Variants in HS6ST3 observed in about 807,000 individuals in gnomAD.
The protein encoded by HS6ST3 is heparan-sulfate 6-O-sulfotransferase 3.
Under a neutral mutation model 36.7 loss-of-function variants are expected in HS6ST3, and 12 were observed. The ratio of observed to expected loss-of-function variants is 0.33; its 90% confidence interval spans 0.21 to 0.53. HS6ST3 has a LOEUF of 0.53. Among genes scored for constraint, HS6ST3 ranks in the 20% least tolerant of loss-of-function variants. The probability of loss-of-function intolerance (pLI) is 0.95; values close to 1 mark genes in which losing one functional copy is unlikely to be tolerated. For synonymous variants in HS6ST3, 240 were observed against 257.5 expected (o/e 0.93, Z 0.65); for missense variants, 584 against 640.9 (o/e 0.91, Z 0.96).
In HS6ST3 at chr13:96,225,687, C is replaced by G. The variant is rs550981679; in HGVS notation, c.707+134118C>G. On this transcript the variant is annotated intron_variant, in intron 1 of 1. Coordinates refer to ENST00000376705, the MANE Select transcript of HS6ST3 (RefSeq NM_153456.4). The stretch of plus-strand genomic sequence containing the variant: ...TAAATGATACATTTACAAATGGATT[C>G]TGGGTTTTTTATTCTGTGTTATTTA... Among the ~76,000 whole-genome samples, 4 of 152,152 alleles carry G rather than the reference C, an allele frequency of 2.6e-5. No homozygotes were observed. In the South Asian group the frequency reaches 8.3e-4, roughly 32 times the overall value.
At chr13:96,464,163 C>CAAAAAAAAAAAAAAAAAAAAAAAAAAAA (rs1322172089) in intron 1 of HS6ST3, among the ~76,000 whole-genome samples, 22 of 64,782 alleles carry the variant, frequency 3.4e-4, no homozygotes, top group Non-Finnish European at 6.1e-4. Context: ...AAAAAAAAAT[C>CAAAAAAAAAAAAAAAAAAAAAAAAAAAA]AAAGATCTGA....
intron 1 of HS6ST3, among the ~76,000 whole-genome samples, chr13:96,395,727 T>C (rs981963179): frequency 2.0e-5 from 3 of 152,180 alleles, no homozygotes; most frequent in African/African-American, 4.8e-5. Flanking sequence ...GAGGACAGAA[T>C]TTAAAAAATA....
chr13:96,568,298 G>T (rs759225379), intron 1 of HS6ST3, among the ~76,000 whole-genome samples: 5 of 152,012 alleles, frequency 3.3e-5, no homozygotes, highest in Non-Finnish European at 5.9e-5. Flanking sequence ...ACAGAGTCTT[G>T]CTCTGTCACC....
At chr13:96,251,627 C>G (rs1345867539) in intron 1 of HS6ST3, among the ~76,000 whole-genome samples, 1 of 151,508 alleles carries the variant, frequency 6.6e-6, no homozygotes, top group East Asian at 1.9e-4. Flanking sequence ...GTTCTTTTTT[C>G]TTGAGATATA....
At chr13:96,421,683 A>G (rs998710867) in intron 1 of HS6ST3, among the ~76,000 whole-genome samples, 4 of 152,126 alleles carry the variant, frequency 2.6e-5, no homozygotes, top group Non-Finnish European at 5.9e-5. Context: ...AATCACTAGT[A>G]AAGGTGTTCC....
chr13:96,516,164 C>T (rs903534238), intron 1 of HS6ST3, among the ~76,000 whole-genome samples: 4 of 151,236 alleles, frequency 2.6e-5, no homozygotes, highest in African/African-American at 4.9e-5. Flanking sequence ...TTGGTTCAAG[C>T]GATTCTCCTG....
At chr13:96,712,760 G>T (rs1875593833) in intron 1 of HS6ST3, among the ~76,000 whole-genome samples, 1 of 151,982 alleles carries the variant, frequency 6.6e-6, no homozygotes, top group Non-Finnish European at 1.5e-5. Flanking sequence ...GCAAATTCTG[G>T]TCTACGGCTC....
chr13:96,113,675 CTT>C (rs1419820587), intron 1 of HS6ST3, among the ~76,000 whole-genome samples: 2 of 152,158 alleles, frequency 1.3e-5, no homozygotes, highest in Non-Finnish European at 2.9e-5. Flanking sequence ...AATTTGGAAC[CTT>C]CCATTGCTGG....
At chr13:96,389,690 A>G (rs1472799900) in intron 1 of HS6ST3, among the ~76,000 whole-genome samples, 1 of 152,178 alleles carries the variant, frequency 6.6e-6, no homozygotes, top group African/African-American at 2.4e-5. Flanking sequence ...CATGAACACA[A>G]TGGATAAAAG....
At chr13:96,755,445 A>G (rs1220955485) in intron 1 of HS6ST3, among the ~76,000 whole-genome samples, 1 of 151,806 alleles carries the variant, frequency 6.6e-6, no homozygotes, top group Non-Finnish European at 1.5e-5. Context: ...GCTCACTGCA[A>G]CCTCCGCTTT....
At chr13:96,138,855 C>T (rs945517254) in intron 1 of HS6ST3, among the ~76,000 whole-genome samples, 1 of 151,946 alleles carries the variant, frequency 6.6e-6, no homozygotes, top group African/African-American at 2.4e-5. Context: ...TAAATTGGCA[C>T]ACACAAAATG....
chr13:96,517,960 A>G (rs1167893838), intron 1 of HS6ST3, among the ~76,000 whole-genome samples: 1 of 152,206 alleles, frequency 6.6e-6, no homozygotes, highest in Non-Finnish European at 1.5e-5. Context: ...GATCAACCTC[A>G]ATGCCCATCA....
At chr13:96,343,809 C>A (rs2055141252) in intron 1 of HS6ST3, among the ~76,000 whole-genome samples, 2 of 152,132 alleles carry the variant, frequency 1.3e-5, no homozygotes, top group African/African-American at 4.8e-5. Flanking sequence ...ATAGTGCGAT[C>A]TTGGCTCACT....
At chr13:96,103,809 G>A (rs144666307) in intron 1 of HS6ST3, among the ~76,000 whole-genome samples, 492 of 152,236 alleles carry the variant, frequency 3.2e-3, no homozygotes, top group Non-Finnish European at 4.3e-3. Flanking sequence ...TTAGCTCAAC[G>A]ACTTGTTAGA....
At chr13:96,151,188 G>A (rs1170909868) in intron 1 of HS6ST3, among the ~76,000 whole-genome samples, 1 of 152,134 alleles carries the variant, frequency 6.6e-6, no homozygotes, top group Non-Finnish European at 1.5e-5. Context: ...TAGATCACCT[G>A]AGGTCAGGAG....
intron 1 of HS6ST3, among the ~76,000 whole-genome samples, chr13:96,109,771 G>C (rs750159108): frequency 6.6e-6 from 1 of 152,176 alleles, no homozygotes. Flanking sequence ...ACCTCAGTCA[G>C]TTGTTTATTA....
At chr13:96,667,019 T>G (rs755269358) in intron 1 of HS6ST3, among the ~76,000 whole-genome samples, 8 of 152,176 alleles carry the variant, frequency 5.3e-5, no homozygotes, top group Non-Finnish European at 1.2e-4. Flanking sequence ...CATGCTAAGA[T>G]ACAGTCTTTC....
chr13:96,635,749 A>G (rs1373884962), intron 1 of HS6ST3, among the ~76,000 whole-genome samples: 2 of 152,164 alleles, frequency 1.3e-5, no homozygotes, highest in African/African-American at 4.8e-5. Flanking sequence ...CTTGACCTGA[A>G]CTGCTAGACC....
At chr13:96,579,651 C>T (rs549573842) in intron 1 of HS6ST3, among the ~76,000 whole-genome samples, 19 of 152,150 alleles carry the variant, frequency 1.2e-4, no homozygotes, top group Admixed American at 7.2e-4. Context: ...CAATGCTAAG[C>T]GAGATATCAT....
Sources: allele counts gnomAD v4.1 joint callset (sites outside exome capture counted in the v4.1 genomes callset), GRCh38; gene constraint gnomAD v4.1.1; transcripts MANE v1.5; gene names NCBI Gene and HGNC (gene_info 2026-07-23, HGNC 2026-07-21).